Variants in PPHLN1 observed in about 807,000 individuals in gnomAD.
PPHLN1 encodes the protein periphilin 1, also known as periphilin-1.
In PPHLN1, 29 loss-of-function variants were observed where a neutral mutation model predicts 51.3. That is an observed-to-expected ratio of 0.57 (90% CI 0.42 to 0.77). PPHLN1 has a LOEUF of 0.77. Among genes scored for constraint, PPHLN1 ranks in the 30% least tolerant of loss-of-function variants. The probability of loss-of-function intolerance (pLI) is 0.00; values close to 1 mark genes in which losing one functional copy is unlikely to be tolerated. For missense variants in PPHLN1, 436 were observed against 438.4 expected (o/e 0.99, Z 0.05); for synonymous variants, 147 against 147.8 (o/e 0.99, Z 0.04).
At chr12:42,417,188 G>A (rs1669894) in intron 9 of PPHLN1, among the ~76,000 whole-genome samples, 45,101 of 152,046 alleles carry the variant, frequency 0.3, 7,763 homozygotes, top group Non-Finnish European at 0.38. Context: ...TTTACTTTTG[G>A]GCACTTGTGA....
chr12:42,430,224 G>T (rs1038785558), intron 9 of PPHLN1, among the ~76,000 whole-genome samples: 3 of 151,866 alleles, frequency 2.0e-5, no homozygotes, highest in Non-Finnish European at 4.4e-5. Flanking sequence ...ATGGGTCTTC[G>T]ATTTTAGCTG....
At chr12:42,411,245 AAT>A (rs1293889782) in intron 9 of PPHLN1, among the ~76,000 whole-genome samples, 4 of 151,742 alleles carry the variant, frequency 2.6e-5, no homozygotes, top group African/African-American at 7.2e-5. Flanking sequence ...TTGAGTATAT[AAT>A]ATATATATAT....
chr12:42,444,846 GC>G, downstream of PPHLN1: 1 of 561,244 alleles, frequency 1.8e-6, no homozygotes, highest in Non-Finnish European at 3.2e-6. Context: ...CATACCTAAC[GC>G]TGTAATGCTT....
At chr12:42,353,795 T>C (rs2073700404) in intron 3 of PPHLN1, among the ~76,000 whole-genome samples, 2 of 152,210 alleles carry the variant, frequency 1.3e-5, no homozygotes, top group Admixed American at 1.3e-4. Context: ...TTGGACCAGT[T>C]TGTATTTGAA....
intron 5 of PPHLN1, among the ~76,000 whole-genome samples, chr12:42,380,216 A>G (rs891660595): frequency 1.3e-5 from 2 of 152,080 alleles, no homozygotes; most frequent in African/African-American, 2.4e-5. Context: ...TTTACCAGAG[A>G]TGCTTACATA....
chr12:42,327,848 A>G (rs1002234631), intron 1 of PPHLN1, among the ~76,000 whole-genome samples: 3 of 152,206 alleles, frequency 2.0e-5, no homozygotes, highest in Non-Finnish European at 2.9e-5. Flanking sequence ...AACGTTAATG[A>G]ATACTTCACC....
intron 9 of PPHLN1, among the ~76,000 whole-genome samples, chr12:42,416,347 T>TGGAA (rs2080382746): frequency 6.6e-6 from 1 of 152,208 alleles, no homozygotes; most frequent in Non-Finnish European, 1.5e-5. Context: ...TGGTAGAAAT[T>TGGAA]GGAAGGAAGT....
downstream of PPHLN1, chr12:42,444,542 G>A (rs747557320): frequency 6.6e-6 from 1 of 152,348 alleles, no homozygotes; most frequent in African/African-American, 2.4e-5. Flanking sequence ...TCCTAGAATA[G>A]GTTTTTTGCT....
chr12:42,375,055 C>T lies in PPHLN1; in HGVS notation c.492C>T (p.Phe164=), dbSNP rs747788552. 20 of 1,609,832 alleles carry T rather than the reference C, an allele frequency of 1.2e-5. No individual in the cohort carries two copies. The Admixed American group carries it at 3.0e-4, about 24-fold the overall frequency. Reference sequence around the variant, plus strand: ...CAGAAAGGAGCAAATCATACTCTTTCCATCAGTCTCAACATAGAAGTATGT... The same window carrying T: ...CAGAAAGGAGCAAATCATACTCTTTTCATCAGTCTCAACATAGAAGTATGT... The part of the protein sequence containing the change: ...YSPERSKSYS[F]HQSQHRKSVR... Residue 164 remains phenylalanine, a synonymous_variant, in exon 5 of 10, where the codon TTC becomes TTT. Coordinates refer to ENST00000358314, the MANE Select transcript of PPHLN1 (RefSeq NM_201439.2).
intron 4 of PPHLN1, chr12:42,359,698 T>C (rs2074413800): frequency 6.6e-6 from 1 of 152,210 alleles, no homozygotes; most frequent in Non-Finnish European, 1.5e-5. Flanking sequence ...GCAAAGAGAA[T>C]TGTTACATCT....
At chr12:42,445,936 T>C, downstream of PPHLN1, 1 of 1,456,266 alleles carries the variant, frequency 6.9e-7, no homozygotes, top group Non-Finnish European at 9.1e-7. Flanking sequence ...TTTGCTAACA[T>C]GGGGAAGAGG....
intron 5 of PPHLN1, among the ~76,000 whole-genome samples, chr12:42,381,328 G>A (rs1204898567): frequency 1.3e-5 from 2 of 152,164 alleles, no homozygotes; most frequent in Non-Finnish European, 2.9e-5. Flanking sequence ...CATATGCATA[G>A]GCATTTTATT....
At chr12:42,435,245 CT>C (rs1388895159) in intron 9 of PPHLN1, among the ~76,000 whole-genome samples, 2 of 152,096 alleles carry the variant, frequency 1.3e-5, no homozygotes, top group African/African-American at 4.8e-5. Flanking sequence ...ACATTGATTG[CT>C]GAGGCTTTTT....
intron 2 of PPHLN1, among the ~76,000 whole-genome samples, chr12:42,338,379 A>T (rs1255683035): frequency 6.6e-6 from 1 of 152,162 alleles, no homozygotes. Flanking sequence ...AGATTGTAAG[A>T]TGAGTAGTGG....
chr12:42,355,096 T>C, intron 3 of PPHLN1, 65 bp from the exon 4 acceptor site: 1 of 1,450,038 alleles, frequency 6.9e-7, no homozygotes. Context: ...GGTAGTATTG[T>C]TAGATATGTC....
intron 9 of PPHLN1, among the ~76,000 whole-genome samples, chr12:42,437,059 C>A (rs1206279107): frequency 6.6e-6 from 1 of 152,112 alleles, no homozygotes; most frequent in African/African-American, 2.4e-5. Context: ...TTTTTCTCTT[C>A]CTGATACATC....
chr12:42,398,360 A>G (rs1426009532), intron 8 of PPHLN1, among the ~76,000 whole-genome samples: 2 of 152,108 alleles, frequency 1.3e-5, no homozygotes, highest in Admixed American at 1.3e-4. Flanking sequence ...ATATTTCTTT[A>G]TTTGTGTACA....
intron 5 of PPHLN1, among the ~76,000 whole-genome samples, chr12:42,382,827 A>G (rs1039219453): frequency 3.9e-5 from 6 of 152,220 alleles, no homozygotes; most frequent in African/African-American, 1.4e-4. Flanking sequence ...TTTATAAATC[A>G]TTAAAGTGCT....
intron 9 of PPHLN1, chr12:42,399,228 A>C: frequency 7.1e-6 from 8 of 1,130,002 alleles, no homozygotes; most frequent in Non-Finnish European, 8.9e-6. Flanking sequence ...ACAGAATATT[A>C]ATATTCTAGT....
Sources: gnomAD v4.1 joint callset for allele counts (sites outside exome capture counted in the v4.1 genomes callset) on GRCh38, gnomAD v4.1.1 for gene constraint, MANE v1.5 for transcripts, NCBI Gene and HGNC (gene_info 2026-07-23, HGNC 2026-07-21) for gene names.